Variants in ERICH6B observed in about 807,000 individuals in gnomAD.
The protein encoded by ERICH6B is glutamate-rich protein 6B.
ERICH6B carries 69 observed loss-of-function variants against 80.0 expected under a neutral mutation model. The ratio of observed to expected loss-of-function variants is 0.86; its 90% CI spans 0.71 to 1.05. ERICH6B has a LOEUF of 1.05. Among genes scored for constraint, ERICH6B ranks in the 50% least tolerant of loss-of-function variants. The probability of loss-of-function intolerance (pLI) is 0.00; values close to 1 mark genes in which losing one functional copy is unlikely to be tolerated. For synonymous variants in ERICH6B, 283 were observed against 291.9 expected (o/e 0.97, Z 0.31); for missense variants, 754 against 796.1 (o/e 0.95, Z 0.64).
chr13:45,572,381 C>T (rs1222300013), intron 8 of ERICH6B, among the ~76,000 whole-genome samples: 1 of 152,132 alleles, frequency 6.6e-6, no homozygotes, highest in Non-Finnish European at 1.5e-5. Flanking sequence ...ACCAGAGTGA[C>T]CTTTAAAAAT....
At chr13:45,567,009 A>G (rs1874942791) in intron 9 of ERICH6B, among the ~76,000 whole-genome samples, 1 of 152,266 alleles carries the variant, frequency 6.6e-6, no homozygotes, top group South Asian at 2.1e-4. Flanking sequence ...TTGCATTAGC[A>G]TGACCTGGAT....
At chr13:45,580,045 A>C in intron 6 of ERICH6B, 71 bp from the exon 7 acceptor site, 1 of 1,229,782 alleles carries the variant, frequency 8.1e-7, no homozygotes, top group Non-Finnish European at 1.2e-6. Flanking sequence ...TTAATCCCTT[A>C]TGGAATCAAT....
intron 11 of ERICH6B, among the ~76,000 whole-genome samples, chr13:45,559,239 C>T (rs1392132691): frequency 6.6e-6 from 1 of 152,056 alleles, no homozygotes; most frequent in Non-Finnish European, 1.5e-5. Context: ...TCTGTGGTGT[C>T]AGTTGTAATA....
intron 8 of ERICH6B, among the ~76,000 whole-genome samples, chr13:45,570,974 A>G (rs1875138784): frequency 6.6e-6 from 1 of 152,194 alleles, no homozygotes; most frequent in South Asian, 2.1e-4. Flanking sequence ...CTGCAGCTGC[A>G]GGTTCCGTGT....
chr13:45,582,371 G>A (rs1044343221), intron 5 of ERICH6B, among the ~76,000 whole-genome samples: 4 of 152,210 alleles, frequency 2.6e-5, no homozygotes, highest in Non-Finnish European at 5.9e-5. Context: ...TATTGAGCTT[G>A]TGGTTGAAGA....
intron 9 of ERICH6B, 137 bp downstream of exon 9, chr13:45,568,178 C>T (rs1438417720): frequency 2.1e-6 from 2 of 968,812 alleles, no homozygotes; most frequent in Middle Eastern, 2.2e-4. Flanking sequence ...TTGGCCTGTT[C>T]CTGCTCCTTG....
intron 9 of ERICH6B, among the ~76,000 whole-genome samples, chr13:45,565,151 C>T (rs1267507162): frequency 6.6e-6 from 1 of 151,876 alleles, no homozygotes; most frequent in Non-Finnish European, 1.5e-5. Flanking sequence ...TTTGCTGATC[C>T]AAAAGCTTGG....
At chr13:45,580,381 C>A (rs11616280) in intron 6 of ERICH6B, among the ~76,000 whole-genome samples, 18,207 of 152,158 alleles carry the variant, frequency 0.12, 1,781 homozygotes, top group African/African-American at 0.27. Flanking sequence ...AAAATGCCAG[C>A]GCACTTAACT....
intron 11 of ERICH6B, among the ~76,000 whole-genome samples, chr13:45,559,057 T>C (rs929459653): frequency 3.9e-5 from 6 of 151,988 alleles, no homozygotes; most frequent in Admixed American, 3.9e-4. Context: ...TAGTAATTTT[T>C]AAAATTACCA....
Position 45,574,964 on chromosome 13 carries a change from G to A in ERICH6B, c.962-34C>T, listed in dbSNP as rs942893. ...TTTGGAAGGAGCGTCGAAAGGAAGG[G>A]CATGTGGAAAGAAAACCAAAAACAT... On this transcript the variant is annotated intron_variant, in intron 7 of 14. Coordinates refer to ENST00000298738, the MANE Select transcript of ERICH6B (RefSeq NM_182542.3). 1,898 of 1,415,632 alleles carry A rather than the reference G, an allele frequency of 1.3e-3. 35 individuals are homozygous for A. The South Asian group carries it at 0.023, about 17-fold the overall frequency. 87.7% of individuals were successfully genotyped at this position (1,415,632 alleles called of 1,614,324 possible). A position where few individuals can be genotyped will look rare whatever the true frequency, so the allele number is the denominator to read the frequency against.
chr13:45,603,055 G>T (rs190403424), intron 2 of ERICH6B, among the ~76,000 whole-genome samples: 2 of 152,290 alleles, frequency 1.3e-5, no homozygotes, highest in African/African-American at 4.8e-5. Flanking sequence ...ATGGAGGAGG[G>T]GGGCCCCTAG....
intron 6 of ERICH6B, 36 bp downstream of exon 6, chr13:45,580,567 C>A (rs755023372): frequency 5.8e-6 from 9 of 1,548,332 alleles, no homozygotes; most frequent in Non-Finnish European, 7.9e-6. Context: ...GGATGACTAA[C>A]TTCTACAGAT....
intron 1 of ERICH6B, among the ~76,000 whole-genome samples, chr13:45,613,536 C>T: frequency 6.6e-6 from 1 of 152,196 alleles, no homozygotes; most frequent in East Asian, 1.9e-4. Context: ...AAAAGCATTA[C>T]TTGAAGCGGT....
rs1949905628 is a variant in ERICH6B, at chr13:45,612,523, T to C, written c.-111+3162A>G. Among the ~76,000 whole-genome samples, 5 of 152,310 alleles carry C rather than the reference T, an allele frequency of 3.3e-5. No homozygotes were observed. The South Asian group carries it at 8.3e-4, about 25-fold the overall frequency. On this transcript the variant is annotated intron_variant, in intron 1 of 14. Coordinates refer to ENST00000298738, the MANE Select transcript of ERICH6B (RefSeq NM_182542.3). ...AGCACTACCTCTGGCCCCTGGGGTA[T>C]GGGGCCCATGAGAGAATTGGGCAGT...
chr13:45,580,556 T>C, intron 6 of ERICH6B, 47 bp downstream of exon 6: 3 of 1,538,336 alleles, frequency 2.0e-6, no homozygotes, highest in Non-Finnish European at 2.6e-6. Flanking sequence ...TTCTCTGGGA[T>C]GGATGACTAA....
Position 45,541,318 on chromosome 13 carries a change from A to T in ERICH6B, c.*144T>A. ...GTTAGCCCTTCTGCCAAAAATGTTT[A>T]CTTCAAATCAAGGAGCCACGACAGG... is the stretch of plus-strand genomic sequence containing the variant. On this transcript the variant is annotated 3_prime_UTR_variant, in exon 15 of 15. Coordinates refer to ENST00000298738, the MANE Select transcript of ERICH6B (RefSeq NM_182542.3). 2 of 694,400 alleles carry T rather than the reference A, an allele frequency of 2.9e-6. No homozygotes were observed. The highest frequency in any genetic ancestry group is 4.8e-6 in the Non-Finnish European group (2 of 418,074). 43.0% of individuals were successfully genotyped at this position (694,400 alleles called of 1,614,324 possible).
At chr13:45,558,692 A>C (rs1365496248) in intron 11 of ERICH6B, among the ~76,000 whole-genome samples, 1 of 152,186 alleles carries the variant, frequency 6.6e-6, no homozygotes, top group African/African-American at 2.4e-5. Context: ...TGAGATGATC[A>C]TGTGATTTTT....
At position 45,574,883 on chromosome 13, in the gene ERICH6B, C is replaced by T; in HGVS notation, c.1009G>A (p.Glu337Lys). 6.4e-7 allele frequency: 1 copy of T among 1,551,492 alleles called. No homozygotes were observed. Among genetic ancestry groups the T allele is most frequent in the Non-Finnish European group, 8.7e-7 (1 of 1,146,960 alleles). ...TCCACTTCCAGCTTGTCAATGGACTCATCTGTTATACCATCCCAAAAGTTC... is the reference window on the plus strand; with the variant it reads ...TCCACTTCCAGCTTGTCAATGGACTTATCTGTTATACCATCCCAAAAGTTC... ...KENFWDGITD[E>K]SIDKLEVEDL... Residue 337 changes from glutamate to lysine, a missense_variant, in exon 8 of 15, where the codon GAG becomes AAG. Glu to Lys is a moderately conservative substitution (Grantham distance 56). Coordinates refer to ENST00000298738, the MANE Select transcript of ERICH6B (RefSeq NM_182542.3).
At chr13:45,561,173 C>T (rs1874656812) in intron 11 of ERICH6B, among the ~76,000 whole-genome samples, 196 bp downstream of exon 11, 1 of 152,192 alleles carries the variant, frequency 6.6e-6, no homozygotes, top group Non-Finnish European at 1.5e-5. Context: ...GCAGAAGACT[C>T]AATAAATCCT....
Sources: allele counts gnomAD v4.1 joint callset (sites outside exome capture counted in the v4.1 genomes callset), GRCh38; gene constraint gnomAD v4.1.1; transcripts MANE v1.5; gene names NCBI Gene and HGNC (gene_info 2026-07-23, HGNC 2026-07-21).